Variants in RABGAP1L observed in about 807,000 individuals in gnomAD.
RABGAP1L encodes rab GTPase-activating protein 1-like.
A neutral mutation model predicts 137.7 loss-of-function variants in RABGAP1L; 63 were observed. The observed-to-expected ratio is 0.46, with a 90% CI of 0.37 to 0.56. RABGAP1L has a LOEUF of 0.56. Among genes scored for constraint, RABGAP1L ranks in the 20% least tolerant of loss-of-function variants. RABGAP1L has a pLI of 0.00. For missense variants in RABGAP1L, 1,095 were observed against 1,244.0 expected (o/e 0.88, Z 1.80); for synonymous variants, 431 against 433.7 (o/e 0.99, Z 0.08).
chr1:174,481,597 A>ATAG (rs1346658465), intron 13 of RABGAP1L, among the ~76,000 whole-genome samples: 4 of 152,196 alleles, frequency 2.6e-5, no homozygotes, highest in African/African-American at 7.2e-5. Flanking sequence ...TGTTGCCTTG[A>ATAG]TAGTATGATT....
chr1:174,630,648 C>A (rs2148310443), intron 13 of RABGAP1L, among the ~76,000 whole-genome samples: 1 of 124,004 alleles, frequency 8.1e-6, no homozygotes, highest in Non-Finnish European at 1.6e-5. Context: ...GGAATGTATC[C>A]ATTTCTTCTA....
chr1:174,551,510 CAT>C (rs1258098900), intron 13 of RABGAP1L, among the ~76,000 whole-genome samples: 2 of 151,990 alleles, frequency 1.3e-5, no homozygotes, highest in Admixed American at 6.6e-5. Flanking sequence ...AAACCTCCCA[CAT>C]GTGTGCTGAC....
intron 18 of RABGAP1L, among the ~76,000 whole-genome samples, chr1:174,779,100 A>G (rs1465154448): frequency 6.6e-6 from 1 of 152,216 alleles, no homozygotes; most frequent in Non-Finnish European, 1.5e-5. Context: ...GCACATCTGT[A>G]CATCATGTTT....
At chr1:174,163,980 A>G (rs1664714024) in intron 1 of RABGAP1L, among the ~76,000 whole-genome samples, 1 of 152,122 alleles carries the variant, frequency 6.6e-6, no homozygotes, top group South Asian at 2.1e-4. Flanking sequence ...GGCATGGAAC[A>G]TTTACTTTTT....
chr1:174,900,772 G>A (rs1343425402), intron 19 of RABGAP1L, among the ~76,000 whole-genome samples: 1 of 152,054 alleles, frequency 6.6e-6, no homozygotes, highest in African/African-American at 2.4e-5. Context: ...CACCTGCATT[G>A]GCCTCCCAAA....
At chr1:174,528,703 T>A (rs1664138897) in intron 13 of RABGAP1L, among the ~76,000 whole-genome samples, 1 of 152,004 alleles carries the variant, frequency 6.6e-6, no homozygotes, top group Non-Finnish European at 1.5e-5. Context: ...CCTTTTTATG[T>A]TGTATCTGCT....
intron 19 of RABGAP1L, among the ~76,000 whole-genome samples, chr1:174,927,894 G>T (rs1433671990): frequency 3.9e-5 from 6 of 152,102 alleles, no homozygotes; most frequent in Admixed American, 2.6e-4. Flanking sequence ...ACAGCTGCTT[G>T]GTGACCAGAT....
At chr1:174,610,540 C>A (rs144764853) in intron 13 of RABGAP1L, among the ~76,000 whole-genome samples, 1 of 152,036 alleles carries the variant, frequency 6.6e-6, no homozygotes, top group Admixed American at 6.6e-5. Context: ...TTTATAGCAG[C>A]ATGATTTATA....
intron 1 of RABGAP1L, among the ~76,000 whole-genome samples, chr1:174,184,366 G>A (rs1666634554): frequency 6.6e-6 from 1 of 152,140 alleles, no homozygotes; most frequent in Non-Finnish European, 1.5e-5. Context: ...TCCATGCGCA[G>A]GTTTTTGTAT....
intron 19 of RABGAP1L, among the ~76,000 whole-genome samples, chr1:174,836,729 T>G (rs1315624613): frequency 1.3e-5 from 2 of 152,214 alleles, no homozygotes; most frequent in Admixed American, 6.5e-5. Context: ...TATTTACTTA[T>G]CAGTCTTTTT....
At chr1:174,250,803 T>G (rs1238593049) in intron 6 of RABGAP1L, among the ~76,000 whole-genome samples, 171 bp downstream of exon 6, 4 of 152,268 alleles carry the variant, frequency 2.6e-5, no homozygotes, top group Non-Finnish European at 5.9e-5. Flanking sequence ...TCTTTCCTTT[T>G]TTTTTTGAGA....
At chr1:174,694,670 G>A (rs996407415) in intron 15 of RABGAP1L, among the ~76,000 whole-genome samples, 14 of 151,942 alleles carry the variant, frequency 9.2e-5, no homozygotes, top group African/African-American at 3.1e-4. Flanking sequence ...ACGTGTGTAT[G>A]TGTCTTTATA....
intron 23 of RABGAP1L, among the ~76,000 whole-genome samples, chr1:174,981,870 G>A (rs187755791): frequency 1.1e-4 from 16 of 152,178 alleles, no homozygotes; most frequent in Admixed American, 8.5e-4. Flanking sequence ...TTGGCCAAGT[G>A]CTATGCTAAC....
chr1:174,904,211 A>G (rs1455139706), intron 19 of RABGAP1L, among the ~76,000 whole-genome samples: 1 of 152,112 alleles, frequency 6.6e-6, no homozygotes, highest in Non-Finnish European at 1.5e-5. Context: ...CTACACTAGA[A>G]AAACTGAGAT....
intron 13 of RABGAP1L, among the ~76,000 whole-genome samples, chr1:174,461,593 G>A (rs142440370): frequency 2.0e-5 from 3 of 152,098 alleles, no homozygotes; most frequent in Non-Finnish European, 2.9e-5. Context: ...TTCTTGAGCC[G>A]AATTGAATTT....
At chr1:174,785,462 C>T (rs906491071) in intron 18 of RABGAP1L, among the ~76,000 whole-genome samples, 5 of 152,278 alleles carry the variant, frequency 3.3e-5, no homozygotes, top group Admixed American at 6.5e-5. Flanking sequence ...AGTAAAGGAA[C>T]GATAATTGTA....
At chr1:174,915,024 C>T (rs6688577) in intron 19 of RABGAP1L, among the ~76,000 whole-genome samples, 78,218 of 152,020 alleles carry the variant, frequency 0.51, 23,258 homozygotes, top group African/African-American at 0.83. Flanking sequence ...TGTTCCTTTT[C>T]GTTGCATAGT....
chr1:174,255,250 A>G (rs1465435835), intron 7 of RABGAP1L, among the ~76,000 whole-genome samples: 2 of 152,200 alleles, frequency 1.3e-5, no homozygotes, highest in African/African-American at 4.8e-5. Flanking sequence ...AGAGCTGAAG[A>G]TATCGTATTT....
intron 19 of RABGAP1L, among the ~76,000 whole-genome samples, chr1:174,877,841 T>C (rs1030016212): frequency 8.5e-5 from 13 of 152,296 alleles, no homozygotes; most frequent in African/African-American, 3.1e-4. Flanking sequence ...AATATCACTT[T>C]GTCTTAAGTT....
Sources: allele counts gnomAD v4.1 joint callset (sites outside exome capture counted in the v4.1 genomes callset), GRCh38; gene constraint gnomAD v4.1.1; transcripts MANE v1.5; gene names NCBI Gene and HGNC (gene_info 2026-07-23, HGNC 2026-07-21).